Variants in FAT3 observed in about 807,000 individuals in gnomAD.
The protein encoded by FAT3 is protocadherin Fat 3.
In FAT3, 95 loss-of-function variants were observed where a neutral mutation model predicts 310.2. The observed-to-expected ratio is 0.31, with a 90% CI of 0.26 to 0.36. The LOEUF (loss-of-function observed/expected upper bound fraction) is 0.36. Among genes scored for constraint, FAT3 ranks in the 10% least tolerant of loss-of-function variants. The pLI, the probability that FAT3 is intolerant of heterozygous loss-of-function variation, is 1.00. For synonymous variants in FAT3, 2,314 were observed against 2,192.9 expected (o/e 1.06, Z -1.54); for missense variants, 5,408 against 5,715.6 (o/e 0.95, Z 1.74).
At chr11:92,723,994 A>G (rs1431644715) in intron 4 of FAT3, among the ~76,000 whole-genome samples, 1 of 152,216 alleles carries the variant, frequency 6.6e-6, no homozygotes, top group East Asian at 1.9e-4. Context: ...GGTATAAAAT[A>G]CAAAACCAGC....
chr11:92,482,761 A>G (rs1454784853), intron 2 of FAT3, among the ~76,000 whole-genome samples: 1 of 152,064 alleles, frequency 6.6e-6, no homozygotes, highest in African/African-American at 2.4e-5. Flanking sequence ...TTTTGTGCCG[A>G]CACCCTTCCT....
chr11:92,530,927 G>A (rs377208874), intron 3 of FAT3, among the ~76,000 whole-genome samples: 5 of 151,708 alleles, frequency 3.3e-5, no homozygotes, highest in African/African-American at 1.2e-4. Flanking sequence ...GAGGTACAAG[G>A]GTCCAAATAT....
intron 3 of FAT3, among the ~76,000 whole-genome samples, chr11:92,537,564 G>A (rs1186730808): frequency 7.9e-5 from 12 of 152,010 alleles, no homozygotes; most frequent in Admixed American, 7.9e-4. Flanking sequence ...TTTATTATTG[G>A]GATTCAGAGA....
intron 2 of FAT3, among the ~76,000 whole-genome samples, chr11:92,501,701 A>G (rs937646327): frequency 1.3e-5 from 2 of 151,202 alleles, no homozygotes; most frequent in Non-Finnish European, 2.9e-5. Context: ...TTTTCTGTCA[A>G]CTCTTTATGA....
rs535065530 is a variant in FAT3, at chr11:92,677,072, T to C, written c.3608-20312T>C. Among the ~76,000 whole-genome samples the C allele has an allele frequency of 2.6e-5, 4 of 152,360 alleles. No individual in the cohort carries two copies. In the East Asian group the frequency reaches 7.7e-4, roughly 29 times the overall value. ...GGTTAAACTAGGTTATTATTATCCCTGTTACAGGCGAGATACTGGGTCACA... is the reference window on the plus strand; with the variant it reads ...GGTTAAACTAGGTTATTATTATCCCCGTTACAGGCGAGATACTGGGTCACA... On this transcript the variant is annotated intron_variant, in intron 3 of 27. Transcript: ENST00000525166.
At chr11:92,754,700 CAAA>C (rs34387938) in intron 4 of FAT3, among the ~76,000 whole-genome samples, 40 of 90,474 alleles carry the variant, frequency 4.4e-4, no homozygotes, top group Non-Finnish European at 6.3e-4. Flanking sequence ...ACTAAAAATA[CAAA>C]AAAAAAAAAA....
chr11:92,593,936 C>T (rs1361296178), intron 3 of FAT3, among the ~76,000 whole-genome samples: 2 of 152,142 alleles, frequency 1.3e-5, no homozygotes, highest in African/African-American at 4.8e-5. Context: ...GTGCCAGAAA[C>T]ACAGTATCTC....
rs773267519 is a variant in FAT3 at position 92,837,851 on chromosome 11, C to T, written c.10368+45C>T. The T allele has an allele frequency of 5.3e-5, 85 of 1,610,560 alleles. No individual in the cohort carries two copies. The Admixed American group carries it at 1.4e-3, about 27-fold the overall frequency. Reference sequence around the variant, plus strand: ...CAAGCACTTGTCCCTTTGCATTCAGCTTTCTTCCTCTGCTGTGGTTTACTC... The same window carrying T: ...CAAGCACTTGTCCCTTTGCATTCAGTTTTCTTCCTCTGCTGTGGTTTACTC... On this transcript the variant is annotated intron_variant, in intron 17 of 27. Coordinates refer to ENST00000525166, the MANE Select transcript of FAT3 (RefSeq NM_001367949.2).
chr11:92,702,615 G>C (rs1445416100), intron 4 of FAT3, among the ~76,000 whole-genome samples: 1 of 152,094 alleles, frequency 6.6e-6, no homozygotes, highest in Non-Finnish European at 1.5e-5. Context: ...CACACTGCCA[G>C]TTCCCTTTCT....
At chr11:92,631,903 C>G (rs1941572895) in intron 3 of FAT3, among the ~76,000 whole-genome samples, 1 of 152,140 alleles carries the variant, frequency 6.6e-6, no homozygotes, top group African/African-American at 2.4e-5. Context: ...CTGAGCTTCC[C>G]TTTGCCTCTA....
intron 4 of FAT3, among the ~76,000 whole-genome samples, chr11:92,718,070 G>C (rs1488234754): frequency 6.6e-6 from 1 of 152,140 alleles, no homozygotes; most frequent in African/African-American, 2.4e-5. Context: ...TATAGTAGAA[G>C]TGATGCCGAA....
At chr11:92,702,377 A>G (rs1374126344) in intron 4 of FAT3, among the ~76,000 whole-genome samples, 1 of 152,226 alleles carries the variant, frequency 6.6e-6, no homozygotes. Flanking sequence ...AAGACAGAGC[A>G]TGGATGTAGA....
intron 2 of FAT3, among the ~76,000 whole-genome samples, chr11:92,488,254 T>C (rs1041250693): frequency 6.6e-6 from 1 of 152,118 alleles, no homozygotes; most frequent in African/African-American, 2.4e-5. Flanking sequence ...TAAGTGATTC[T>C]TCCCATGTTG....
intron 2 of FAT3, among the ~76,000 whole-genome samples, chr11:92,481,024 A>G (rs1952209654): frequency 6.6e-6 from 1 of 152,222 alleles, no homozygotes; most frequent in South Asian, 2.1e-4. Context: ...CTGCCTCCAA[A>G]AAGATGATTA....
At chr11:92,686,367 A>G (rs983740975) in intron 3 of FAT3, among the ~76,000 whole-genome samples, 44 of 152,226 alleles carry the variant, frequency 2.9e-4, no homozygotes, top group African/African-American at 9.9e-4. Context: ...TGCAATTACA[A>G]CATCAAAATG....
chr11:92,452,344 T>C (rs748282746), intron 2 of FAT3, among the ~76,000 whole-genome samples: 27 of 152,174 alleles, frequency 1.8e-4, no homozygotes, highest in Non-Finnish European at 7.4e-5. Flanking sequence ...ATCATTCTTG[T>C]TGCAAAAACG....
At position 92,890,845 on chromosome 11, in the gene FAT3, A is replaced by G. The variant is rs1346463835; in HGVS notation, c.13502A>G (p.Asn4501Ser). 9 of 1,610,754 alleles carry G rather than the reference A, an allele frequency of 5.6e-6. No homozygotes were observed. The highest frequency in any genetic ancestry group is 1.7e-5 in the Admixed American group (1 of 59,694). Residue 4501 changes from asparagine (N) to serine (S), a missense_variant, in exon 28 of 28, where the codon AAC becomes AGC. Asn to Ser is a conservative substitution (Grantham distance 46). Coordinates refer to ENST00000525166, the MANE Select transcript of FAT3 (RefSeq NM_001367949.2). ...SQYLPPHPFP[N>S]ETDLVGPPAS... is the part of the protein sequence containing the mutation. ...TATCTCCCTCCTCACCCATTCCCCA[A>G]CGAAACGGATTTGGTGGGCCCGCCT...
intron 2 of FAT3, among the ~76,000 whole-genome samples, chr11:92,439,927 A>G (rs957594862): frequency 1.1e-4 from 16 of 151,262 alleles, no homozygotes; most frequent in African/African-American, 3.9e-4. Context: ...AAAAGAAAGA[A>G]AAAGAAAAGA....
chr11:92,799,064 C>T lies in FAT3; in HGVS notation c.6051C>T (p.Tyr2017=), dbSNP rs766588463. ...ATCGCCTTAATGAGCCCTTAAAATA[C>T]AGCATCTTAAACCCAGGAAATAAGT... ...VGNRLNEPLK[Y]SILNPGNKFK... Residue 2017 remains tyrosine, a synonymous_variant, in exon 10 of 28, where the codon TAC becomes TAT. Coordinates refer to ENST00000525166, the MANE Select transcript of FAT3 (RefSeq NM_001367949.2). 7.4e-6 allele frequency: 12 copies of T among 1,613,932 alleles called. No homozygotes were observed. Among genetic ancestry groups the T allele is most frequent in the Middle Eastern group, 1.6e-4 (1 of 6,062 alleles).
Sources: gnomAD v4.1 joint callset for allele counts (sites outside exome capture counted in the v4.1 genomes callset) on GRCh38, gnomAD v4.1.1 for gene constraint, MANE v1.5 for transcripts, NCBI Gene and HGNC (gene_info 2026-07-23, HGNC 2026-07-21) for gene names.